SLC24A3: variants seen among roughly 807,000 people sequenced by gnomAD.
SLC24A3 encodes the protein solute carrier family 24 member 3, also known as sodium/potassium/calcium exchanger 3.
SLC24A3 carries 28 observed loss-of-function variants against 75.8 expected under a neutral mutation model. That is an observed-to-expected ratio of 0.37 (90% CI 0.27 to 0.51). The LOEUF (loss-of-function observed/expected upper bound fraction) is 0.51. Ranked by LOEUF, SLC24A3 falls within the 20% of genes least tolerant of loss-of-function variation. The pLI is 0.94. For synonymous variants in SLC24A3, 372 were observed against 334.1 expected, an observed-to-expected ratio of 1.11 and a Z score of -1.24; for missense variants, 663 against 847.8, an observed-to-expected ratio of 0.78 and a Z score of 2.71.
At chr20:19,521,731 C>T (rs1405949419) in intron 3 of SLC24A3, among the ~76,000 whole-genome samples, 2 of 152,266 alleles carry the variant, frequency 1.3e-5, no homozygotes, top group African/African-American at 4.8e-5. Flanking sequence ...AGAATTATTT[C>T]CCTGGGTGCA....
intron 2 of SLC24A3, among the ~76,000 whole-genome samples, chr20:19,290,901 G>A (rs1271270621): frequency 6.6e-6 from 1 of 152,200 alleles, no homozygotes; most frequent in African/African-American, 2.4e-5. Flanking sequence ...GTGAACATTT[G>A]TTTCTTCACT....
intron 6 of SLC24A3, among the ~76,000 whole-genome samples, chr20:19,633,319 C>G (rs2031957554): frequency 6.6e-6 from 1 of 152,222 alleles, no homozygotes; most frequent in Admixed American, 6.5e-5. Flanking sequence ...ATGATCTTCA[C>G]CTTGTACATA....
chr20:19,707,130 C>T (rs532981946), intron 15 of SLC24A3, among the ~76,000 whole-genome samples: 1 of 152,258 alleles, frequency 6.6e-6, no homozygotes, highest in African/African-American at 2.4e-5. Flanking sequence ...CACCCAGCTT[C>T]GGAAACACAT....
At chr20:19,499,100 A>G (rs1208489306) in intron 2 of SLC24A3, among the ~76,000 whole-genome samples, 2 of 152,132 alleles carry the variant, frequency 1.3e-5, no homozygotes, top group Non-Finnish European at 2.9e-5. Flanking sequence ...CAGCCACCAT[A>G]TGATTGCAAT....
intron 2 of SLC24A3, among the ~76,000 whole-genome samples, chr20:19,362,002 T>C (rs1011341728): frequency 1.3e-5 from 2 of 152,218 alleles, no homozygotes; most frequent in Admixed American, 1.3e-4. Flanking sequence ...TACTCATTAA[T>C]GGGCTGGGTT....
intron 2 of SLC24A3, among the ~76,000 whole-genome samples, chr20:19,450,347 C>T (rs1456795606): frequency 6.6e-6 from 1 of 152,164 alleles, no homozygotes; most frequent in Non-Finnish European, 1.5e-5. Context: ...TCTTTCTGTT[C>T]TCACTTCCAA....
intron 3 of SLC24A3, among the ~76,000 whole-genome samples, chr20:19,535,132 G>T (rs1229997651): frequency 2.0e-5 from 3 of 152,164 alleles, no homozygotes; most frequent in Non-Finnish European, 2.9e-5. Flanking sequence ...CATCCTCAAG[G>T]CTCATTAATT....
chr20:19,320,963 G>A lies in SLC24A3; in HGVS notation c.271+39876G>A, dbSNP rs1222239518. 2.0e-5 allele frequency among the ~76,000 whole-genome samples: 3 copies of A among 151,928 alleles called. No homozygotes were observed. In the East Asian group the frequency reaches 5.8e-4, roughly 29 times the overall value. ...TGTACATGTACACACACATATATATGTATTGAATATGTGGATATATATGTA... is the reference window on the plus strand; with the variant it reads ...TGTACATGTACACACACATATATATATATTGAATATGTGGATATATATGTA... On this transcript the variant is annotated intron_variant, in intron 2 of 16. Transcript: ENST00000328041.
intron 6 of SLC24A3, among the ~76,000 whole-genome samples, chr20:19,593,665 GC>G (rs2031412365): frequency 6.6e-6 from 1 of 152,142 alleles, no homozygotes; most frequent in Admixed American, 6.5e-5. Context: ...AACAACACAG[GC>G]AAAGCAGGGT....
chr20:19,717,666 A>G (rs1267810674), intron 16 of SLC24A3, 73 bp downstream of exon 16: 42 of 1,541,642 alleles, frequency 2.7e-5, no homozygotes, highest in Non-Finnish European at 3.6e-5. Context: ...TGGAGACCAG[A>G]TGAGCTTGGT....
chr20:19,481,612 TG>T (rs935890088), intron 2 of SLC24A3, among the ~76,000 whole-genome samples: 6 of 152,052 alleles, frequency 3.9e-5, no homozygotes, highest in African/African-American at 1.4e-4. Flanking sequence ...GTCTCCAAGC[TG>T]GGGGAGAGCA....
chr20:19,451,256 C>G (rs1390655453), intron 2 of SLC24A3, among the ~76,000 whole-genome samples: 1 of 152,220 alleles, frequency 6.6e-6, no homozygotes, highest in Non-Finnish European at 1.5e-5. Context: ...GGCAGGATAT[C>G]AGCACCCAGT....
chr20:19,455,051 T>A lies in SLC24A3; in HGVS notation c.272-60437T>A, dbSNP rs1403611412. Among the ~76,000 whole-genome samples, 4 of 152,162 alleles carry A rather than the reference T, an allele frequency of 2.6e-5. No individual in the cohort carries two copies. In the East Asian group the frequency reaches 7.7e-4, roughly 29 times the overall value. On this transcript the variant is annotated intron_variant, in intron 2 of 16. Coordinates refer to ENST00000328041, the MANE Select transcript of SLC24A3 (RefSeq NM_020689.4). ...TTTTATCAGCAAGGCAGACTTTTAGTGTCCCCCAATACCTAACCCTCATAT... is the reference window on the plus strand; with the variant it reads ...TTTTATCAGCAAGGCAGACTTTTAGAGTCCCCCAATACCTAACCCTCATAT...
intron 1 of SLC24A3, among the ~76,000 whole-genome samples, chr20:19,247,152 C>T (rs186601839): frequency 2.0e-4 from 31 of 152,172 alleles, no homozygotes; most frequent in Admixed American, 5.2e-4. Flanking sequence ...CATATGTACA[C>T]GTCAGTCATG....
chr20:19,627,548 A>C (rs561772399), intron 6 of SLC24A3, among the ~76,000 whole-genome samples: 47 of 148,860 alleles, frequency 3.2e-4, no homozygotes, highest in Non-Finnish European at 5.3e-4. Flanking sequence ...GGATGGGGGG[A>C]AAAAAAGGCA....
intron 6 of SLC24A3, among the ~76,000 whole-genome samples, chr20:19,646,041 G>A (rs1298061068): frequency 6.6e-6 from 1 of 152,252 alleles, no homozygotes; most frequent in South Asian, 2.1e-4. Context: ...GGCAACGAGA[G>A]TAAGGCCCTG....
intron 2 of SLC24A3, among the ~76,000 whole-genome samples, chr20:19,473,778 C>T (rs1987914437): frequency 6.6e-6 from 1 of 152,198 alleles, no homozygotes; most frequent in East Asian, 1.9e-4. Flanking sequence ...AGTAAGCGCC[C>T]CTCCAAGGCA....
intron 2 of SLC24A3, among the ~76,000 whole-genome samples, chr20:19,488,905 T>C (rs1988166912): frequency 6.6e-6 from 1 of 152,214 alleles, no homozygotes; most frequent in Admixed American, 6.5e-5. Context: ...AGCCCACCAA[T>C]GTGGCATTAT....
chr20:19,581,299 C>A (rs1426370047), intron 4 of SLC24A3, among the ~76,000 whole-genome samples: 1 of 152,084 alleles, frequency 6.6e-6, no homozygotes, highest in African/African-American at 2.4e-5. Context: ...TCTGAAATAC[C>A]ACTATTGGGT....
Sources: allele counts gnomAD v4.1 joint callset (sites outside exome capture counted in the v4.1 genomes callset), GRCh38; gene constraint gnomAD v4.1.1; transcripts MANE v1.5; gene names NCBI Gene and HGNC (gene_info 2026-07-23, HGNC 2026-07-21).